Variants in KDM5A observed in about 807,000 individuals in gnomAD.
The protein encoded by KDM5A is lysine-specific demethylase 5A.
KDM5A carries 42 observed loss-of-function variants against 193.5 expected under a neutral mutation model. The ratio of observed to expected loss-of-function variants is 0.22; its 90% CI spans 0.17 to 0.28. KDM5A has a LOEUF of 0.28. Among genes scored for constraint, KDM5A ranks in the 10% least tolerant of loss-of-function variants. The pLI, the probability that KDM5A is intolerant of heterozygous loss-of-function variation, is 1.00. For synonymous variants in KDM5A, 796 were observed against 718.1 expected, an observed-to-expected ratio of 1.11 and a Z score of -1.73; for missense variants, 1,692 against 2,055.1, an observed-to-expected ratio of 0.82 and a Z score of 3.42.
At chr12:383,797 G>C (rs1944606662) in intron 3 of KDM5A, among the ~76,000 whole-genome samples, 1 of 151,156 alleles carries the variant, frequency 6.6e-6, no homozygotes, top group South Asian at 2.1e-4. Flanking sequence ...TGCCCAGGCT[G>C]TAGTACAATG....
At chr12:384,772 C>T (rs1338271602) in intron 2 of KDM5A, among the ~76,000 whole-genome samples, 1 of 152,226 alleles carries the variant, frequency 6.6e-6, no homozygotes, top group Non-Finnish European at 1.5e-5. Context: ...GGATTCTCTT[C>T]AGTCTCTAAC....
At chr12:301,743 C>A (rs982661929) in intron 24 of KDM5A, among the ~76,000 whole-genome samples, 3 of 152,170 alleles carry the variant, frequency 2.0e-5, no homozygotes, top group Admixed American at 6.5e-5. Context: ...CAAACTGTCC[C>A]TGTTTGCAGA....
chr12:340,840 A>G (rs1319219490), intron 10 of KDM5A, among the ~76,000 whole-genome samples: 1 of 152,206 alleles, frequency 6.6e-6, no homozygotes, highest in Non-Finnish European at 1.5e-5. Context: ...CCAGGAACAA[A>G]ACATGCATAG....
intron 1 of KDM5A, chr12:388,297 A>G: frequency 2.2e-6 from 1 of 455,992 alleles, no homozygotes; most frequent in Non-Finnish European, 4.4e-6. Context: ...CTGTGATTCT[A>G]AAATCGTTGA....
intron 9 of KDM5A, among the ~76,000 whole-genome samples, chr12:351,661 A>G (rs1188039953): frequency 1.3e-5 from 2 of 152,202 alleles, no homozygotes. Flanking sequence ...CAGGGCTAAA[A>G]TAACAATTCA....
chr12:371,323 T>C (rs1944424998), intron 3 of KDM5A, among the ~76,000 whole-genome samples: 1 of 152,226 alleles, frequency 6.6e-6, no homozygotes, highest in Non-Finnish European at 1.5e-5. Context: ...TGGAGTGAGA[T>C]GGTATCTCAT....
At chr12:296,181 G>T (rs543616416) in intron 25 of KDM5A, among the ~76,000 whole-genome samples, 61 of 152,000 alleles carry the variant, frequency 4.0e-4, no homozygotes, top group African/African-American at 1.4e-3. Context: ...TTAGCCAAGC[G>T]TGGTGGCGCA....
intron 6 of KDM5A, 66 bp downstream of exon 6, chr12:356,366 T>C: frequency 1.0e-6 from 1 of 964,028 alleles, no homozygotes; most frequent in South Asian, 1.3e-5. Flanking sequence ...AATTCAAGTA[T>C]CATTTGAGTT....
chr12:340,513 G>A (rs1340131719), intron 10 of KDM5A, among the ~76,000 whole-genome samples: 1 of 151,970 alleles, frequency 6.6e-6, no homozygotes, highest in Admixed American at 6.6e-5. Flanking sequence ...GGCCAACATG[G>A]TGAAACCCTG....
At chr12:296,144 C>T (rs985050386) in intron 25 of KDM5A, among the ~76,000 whole-genome samples, 5 of 151,938 alleles carry the variant, frequency 3.3e-5, no homozygotes, top group African/African-American at 1.2e-4. Context: ...CATAGTGAAA[C>T]CCCATCTCTA....
Position 307,341 on chromosome 12 carries a change from T to C in KDM5A, c.3930+113A>G, listed in dbSNP as rs1565528449. 9.9e-6 allele frequency: 12 copies of C among 1,214,948 alleles called. No homozygotes were observed. Among genetic ancestry groups the C allele is most frequent in the East Asian group, 4.8e-5 (2 of 41,706 alleles). The allele number at this position is 1,214,948 out of a possible 1,614,324, so 75.3% of individuals were successfully genotyped here. A position where few individuals can be genotyped will look rare whatever the true frequency, so the allele number is the denominator to read the frequency against. On this transcript the variant is annotated intron_variant, in intron 23 of 27. Coordinates refer to ENST00000399788, the MANE Select transcript of KDM5A (RefSeq NM_001042603.3). The surrounding 1 kb of genome is among the most constrained non-coding windows in gnomAD (Gnocchi z 4.3). The stretch of plus-strand genomic sequence containing the variant: ...TGTTGAAGGAGAATGCAATGGATAA[T>C]TGCTGACAAGTTACTGTTATTTTCC...
rs779085967 is a variant in KDM5A, at chr12:318,270, T to C, written c.2733A>G (p.Leu911=). 17 of 1,614,090 alleles carry C rather than the reference T, an allele frequency of 1.1e-5. No homozygotes were observed. Among genetic ancestry groups the C allele is most frequent in the African/African-American group, 2.7e-5 (2 of 74,924 alleles). Residue 911 remains leucine (L), a synonymous_variant, in exon 19 of 28, where the codon TTA becomes TTG. Coordinates refer to ENST00000399788, the MANE Select transcript of KDM5A (RefSeq NM_001042603.3). ...CCAAAGTGACTTGTTGCGGATCTGA[T>C]AAGGTCAGTCTTACTTCGTCCAACC... ...ARWLDEVRLT[L]SDPQQVTLDV... is the part of the protein sequence containing the mutation.
intron 10 of KDM5A, among the ~76,000 whole-genome samples, chr12:342,558 C>G (rs890455083): frequency 1.3e-5 from 2 of 152,028 alleles, no homozygotes; most frequent in African/African-American, 4.8e-5. Context: ...CTCCCACGTT[C>G]AAGTGATTCT....
At chr12:385,261 T>C (rs1281338779) in intron 2 of KDM5A, among the ~76,000 whole-genome samples, 1 of 150,526 alleles carries the variant, frequency 6.6e-6, no homozygotes, top group South Asian at 2.1e-4. Context: ...CAGAATGACA[T>C]AATAAACCTT....
At chr12:301,559 C>T (rs1031186944) in intron 24 of KDM5A, among the ~76,000 whole-genome samples, 14 of 152,160 alleles carry the variant, frequency 9.2e-5, no homozygotes, top group African/African-American at 3.1e-4. Context: ...CTTACAAACC[C>T]ACAGCCAATA....
At position 295,589 on chromosome 12, in the gene KDM5A, A is replaced by C; in HGVS notation, c.4439T>G (p.Phe1480Cys). Residue 1480 changes from phenylalanine to cysteine, a missense_variant, in exon 26 of 28, where the codon TTC (phenylalanine) becomes TGC (cysteine). Physicochemically the swap from Phe to Cys is radical, Grantham distance 205 (BLOSUM62 -2). Coordinates refer to ENST00000399788, the MANE Select transcript of KDM5A (RefSeq NM_001042603.3). Reference sequence around the variant, plus strand: ...AATCCACACCTCCATGATATGCAAGAATCTGTCTTCAGAGGGTGGGTGTGT... The same window carrying C: ...AATCCACACCTCCATGATATGCAAGCATCTGTCTTCAGAGGGTGGGTGTGT... ...QATHPPSEDR[F>C]LHIMEDDSME... 1.9e-6 allele frequency: 3 copies of C among 1,614,014 alleles called. No homozygotes were observed. The highest frequency in any genetic ancestry group is 1.1e-5 in the South Asian group (1 of 91,076).
At chr12:287,597 G>A (rs971503972) in intron 27 of KDM5A, among the ~76,000 whole-genome samples, 32 of 152,062 alleles carry the variant, frequency 2.1e-4, no homozygotes, top group Admixed American at 7.9e-4. Flanking sequence ...TAGAGTACGT[G>A]CACTCAGAGT....
At chr12:330,856 C>T (rs1023092293) in intron 13 of KDM5A, among the ~76,000 whole-genome samples, 11 of 151,988 alleles carry the variant, frequency 7.2e-5, no homozygotes, top group Non-Finnish European at 1.2e-4. Context: ...TAAAGGATTT[C>T]CCCCAAAATG....
chr12:381,044 A>C (rs1944567158), intron 3 of KDM5A, among the ~76,000 whole-genome samples: 1 of 151,650 alleles, frequency 6.6e-6, no homozygotes, highest in African/African-American at 2.4e-5. Flanking sequence ...GCCCAGGCTG[A>C]AGTGCAATGG....
Sources: allele counts gnomAD v4.1 joint callset (sites outside exome capture counted in the v4.1 genomes callset), GRCh38; gene constraint gnomAD v4.1.1; non-coding constraint Gnocchi (gnomAD v3.1); transcripts MANE v1.5; gene names NCBI Gene and HGNC (gene_info 2026-07-23, HGNC 2026-07-21).